PTCHD4: variants seen among roughly 807,000 people sequenced by gnomAD.
PTCHD4 encodes patched domain containing 4, also known as patched domain-containing protein 4.
A neutral mutation model predicts 58.1 loss-of-function variants in PTCHD4; 33 were observed. That is an observed-to-expected ratio of 0.57 (90% confidence interval 0.43 to 0.76). The LOEUF is 0.76. Ranked by LOEUF, PTCHD4 falls within the 30% of genes least tolerant of loss-of-function variation. PTCHD4 has a pLI of 0.00. For synonymous variants in PTCHD4, 478 were observed against 409.6 expected (o/e 1.17, Z -2.02); for missense variants, 1,058 against 1,027.1 (o/e 1.03, Z -0.41).
chr6:47,923,416 C>G (rs1765495420), intron 4 of PTCHD4, among the ~76,000 whole-genome samples: 1 of 152,142 alleles, frequency 6.6e-6, no homozygotes, highest in Admixed American at 6.6e-5. Flanking sequence ...AGTTATAGCA[C>G]TAAGCACTTT....
rs560668430 is a variant in PTCHD4, at chr6:47,868,480, G to A, written c.*9823C>T. Among the ~76,000 whole-genome samples the A allele has an allele frequency of 5.9e-4, 89 of 151,858 alleles. No homozygotes were observed. The highest frequency in any genetic ancestry group is 2.1e-3 in the African/African-American group (88 of 41,498). ...AATAACCTCCTTTTCATTAGGTCAT[G>A]AGCAGGCAACTGATAAGCTGGAGAA... is the stretch of plus-strand genomic sequence containing the variant. On this transcript the variant is annotated 3_prime_UTR_variant, in exon 5 of 5. Coordinates refer to ENST00000339488, the MANE Select transcript of PTCHD4 (RefSeq NM_001384253.1).
chr6:47,962,152 C>T (rs929889746), intron 4 of PTCHD4, among the ~76,000 whole-genome samples: 8 of 152,000 alleles, frequency 5.3e-5, no homozygotes, highest in Non-Finnish European at 7.4e-5. Context: ...ATAAATCAGA[C>T]GTTTTGTATA....
At chr6:47,883,646 T>A (rs1271755710) in intron 4 of PTCHD4, among the ~76,000 whole-genome samples, 1 of 152,148 alleles carries the variant, frequency 6.6e-6, no homozygotes, top group African/African-American at 2.4e-5. Context: ...AAAGTTTTAT[T>A]TGTTTAATCC....
At chr6:47,936,207 G>C (rs942442399) in intron 4 of PTCHD4, among the ~76,000 whole-genome samples, 1 of 152,172 alleles carries the variant, frequency 6.6e-6, no homozygotes, top group African/African-American at 2.4e-5. Flanking sequence ...GCTTGGACTA[G>C]GGCAGTGTTG....
rs745481814 is a variant in PTCHD4 at position 47,879,347 on chromosome 6, C to T, written c.1488G>A (p.Ser496=). Residue 496 remains serine (S), a synonymous_variant, in exon 5 of 5, where the codon TCG becomes TCA. Transcript: ENST00000339488. ...ANIINLLASD[S]PSVSYAMVQQ... The stretch of plus-strand genomic sequence containing the variant: ...GAACCATGGCATAGGAAACACTTGG[C>T]GAATCACTGGCTAGTAGATTGATGA... 9 of 1,613,072 alleles carry T rather than the reference C, an allele frequency of 5.6e-6. No homozygotes were observed. The highest frequency in any genetic ancestry group is 3.3e-5 in the Admixed American group (2 of 59,802).
intron 4 of PTCHD4, among the ~76,000 whole-genome samples, chr6:47,894,871 C>T (rs959960949): frequency 2.6e-5 from 4 of 152,204 alleles, no homozygotes; most frequent in Non-Finnish European, 5.9e-5. Context: ...GTAGCTCATG[C>T]TTGTAATCCC....
chr6:47,978,139 ACTT>A (rs1412511471), intron 4 of PTCHD4, among the ~76,000 whole-genome samples: 9 of 149,748 alleles, frequency 6.0e-5, no homozygotes, highest in Admixed American at 5.3e-4. Context: ...CTCCTCCTTT[ACTT>A]CTTCTTCCTC....
chr6:47,927,020 A>G (rs1223750102), intron 4 of PTCHD4, among the ~76,000 whole-genome samples: 1 of 152,152 alleles, frequency 6.6e-6, no homozygotes, highest in African/African-American at 2.4e-5. Context: ...GCTACCTAGG[A>G]CTGGAGAGCC....
chr6:47,915,446 T>C (rs147027410), intron 4 of PTCHD4, among the ~76,000 whole-genome samples: 1 of 152,280 alleles, frequency 6.6e-6, no homozygotes, highest in African/African-American at 2.4e-5. Flanking sequence ...AAATTATTGG[T>C]TGGCGTTGAA....
At chr6:47,894,645 C>T (rs1358406901) in intron 4 of PTCHD4, among the ~76,000 whole-genome samples, 1 of 152,190 alleles carries the variant, frequency 6.6e-6, no homozygotes, top group African/African-American at 2.4e-5. Flanking sequence ...GGGGTCTTGG[C>T]TATATACTCA....
At chr6:47,928,054 G>A (rs575927375) in intron 4 of PTCHD4, among the ~76,000 whole-genome samples, 1 of 152,230 alleles carries the variant, frequency 6.6e-6, no homozygotes, top group South Asian at 2.1e-4. Flanking sequence ...ACAGTTTTCT[G>A]TCTTTCTCCA....
intron 4 of PTCHD4, among the ~76,000 whole-genome samples, chr6:47,928,550 A>G (rs1332119973): frequency 6.6e-6 from 1 of 152,206 alleles, no homozygotes; most frequent in Non-Finnish European, 1.5e-5. Context: ...TTTAATTGAC[A>G]TTCTTTCTGT....
intron 4 of PTCHD4, among the ~76,000 whole-genome samples, chr6:47,998,975 C>T (rs1768608759): frequency 6.6e-6 from 1 of 152,176 alleles, no homozygotes; most frequent in South Asian, 2.1e-4. Flanking sequence ...CTCTAGCAAT[C>T]ATAAAAGCCA....
chr6:47,979,723 T>C (rs1767812132), intron 4 of PTCHD4, among the ~76,000 whole-genome samples: 1 of 152,090 alleles, frequency 6.6e-6, no homozygotes, highest in Non-Finnish European at 1.5e-5. Flanking sequence ...AATCTGTGTT[T>C]GATTTCCCAG....
intron 3 of PTCHD4, among the ~76,000 whole-genome samples, chr6:48,062,541 C>A (rs1483029202): frequency 6.6e-6 from 1 of 152,044 alleles, no homozygotes; most frequent in Non-Finnish European, 1.5e-5. Context: ...GAAAAATTTA[C>A]AACCAGATTT....
chr6:48,055,853 C>G (rs190786209), intron 3 of PTCHD4, among the ~76,000 whole-genome samples: 2 of 152,214 alleles, frequency 1.3e-5, no homozygotes, highest in East Asian at 3.9e-4. Flanking sequence ...CTACCCAGGT[C>G]TTTGCCCTGT....
intron 4 of PTCHD4, among the ~76,000 whole-genome samples, chr6:47,907,389 C>T (rs1014359672): frequency 1.2e-4 from 19 of 152,174 alleles, no homozygotes; most frequent in African/African-American, 4.6e-4. Context: ...ATTTCATTCT[C>T]TGTCTCCCAC....
intron 1 of PTCHD4, among the ~76,000 whole-genome samples, chr6:48,087,452 T>C (rs1765285353): frequency 6.6e-6 from 1 of 152,214 alleles, no homozygotes; most frequent in African/African-American, 2.4e-5. Context: ...TATAATGTAA[T>C]AATGATGCTG....
chr6:48,095,604 G>T (rs1765451845), intron 1 of PTCHD4, among the ~76,000 whole-genome samples: 1 of 152,008 alleles, frequency 6.6e-6, no homozygotes, highest in African/African-American at 2.4e-5. Flanking sequence ...GCAGGAGAAT[G>T]GCTGAACCCG....
Sources: allele counts gnomAD v4.1 joint callset (sites outside exome capture counted in the v4.1 genomes callset), GRCh38; gene constraint gnomAD v4.1.1; transcripts MANE v1.5; gene names NCBI Gene and HGNC (gene_info 2026-07-23, HGNC 2026-07-21).